Variants in ASCC1 observed in about 807,000 individuals in gnomAD.
The protein encoded by ASCC1 is ASC-1 complex subunit P50.
In ASCC1, 35 loss-of-function variants were observed where a neutral mutation model predicts 46.6. The observed-to-expected ratio is 0.75, with a 90% confidence interval of 0.57 to 0.99. The LOEUF is 0.99. ASCC1 is among the 50% of genes least tolerant of loss of function. The probability of loss-of-function intolerance (pLI) is 0.00; values close to 1 mark genes in which losing one functional copy is unlikely to be tolerated. For synonymous variants in ASCC1, 143 were observed against 146.6 expected (o/e 0.98, Z 0.18); for missense variants, 376 against 428.7 (o/e 0.88, Z 1.09).
intron 9 of ASCC1, among the ~76,000 whole-genome samples, chr10:72,119,899 T>C (rs1032053266): frequency 6.6e-6 from 1 of 152,070 alleles, no homozygotes; most frequent in African/African-American, 2.4e-5. Flanking sequence ...GGCAGAGAGA[T>C]GGAAATTCTA....
rs181049094 is a variant in ASCC1, at chr10:72,096,035, C to T, written c.*1299G>A. 1.4e-4 allele frequency: 60 copies of T among 435,206 alleles called. No homozygotes were observed. Among genetic ancestry groups the T allele is most frequent in the African/African-American group, 6.5e-4 (32 of 49,606 alleles). The allele number at this position is 435,206 out of a possible 1,614,324, so 27.0% of individuals were successfully genotyped here. A position where few individuals can be genotyped will look rare whatever the true frequency, so the allele number is the denominator to read the frequency against. ...TATGTGATCATACTAACAGAAACAC[C>T]GTTAAACATTTTATTCACAAGTGAT... On this transcript the variant is annotated 3_prime_UTR_variant, in exon 10 of 10. Transcript: ENST00000672957.
chr10:72,203,580 C>G, intron 3 of ASCC1, 56 bp from the exon 4 acceptor site: 2 of 1,241,316 alleles, frequency 1.6e-6, no homozygotes, highest in Admixed American at 1.7e-5. Context: ...AAATAAAGAA[C>G]CTCATTATGT....
chr10:72,104,702 G>A (rs1842151363), intron 9 of ASCC1, among the ~76,000 whole-genome samples: 1 of 152,092 alleles, frequency 6.6e-6, no homozygotes, highest in Admixed American at 6.5e-5. Flanking sequence ...CAGCCCTGTT[G>A]TTATGGAAGT....
In ASCC1 at chr10:72,096,973, G is replaced by A; in HGVS notation, c.*361C>T. ...ACAAGCTGAGAAGCCTATGGAGATG[G>A]ACGGCGGTGACGGCCACACAGCATT... On this transcript the variant is annotated 3_prime_UTR_variant, in exon 10 of 10. Coordinates refer to ENST00000672957, the MANE Select transcript of ASCC1 (RefSeq NM_001198800.3). 2.2e-6 allele frequency: 1 copy of A among 454,938 alleles called. No individual in the cohort carries two copies. Among genetic ancestry groups the A allele is most frequent in the South Asian group, 1.6e-5 (1 of 64,480 alleles). 28.2% of individuals were successfully genotyped at this position (454,938 alleles called of 1,614,324 possible).
At chr10:72,171,631 G>C (rs1253870527) in intron 5 of ASCC1, among the ~76,000 whole-genome samples, 2 of 152,114 alleles carry the variant, frequency 1.3e-5, no homozygotes, top group Non-Finnish European at 2.9e-5. Flanking sequence ...TGGCCAGGCT[G>C]ATCTCGAACT....
At chr10:72,216,901 C>T (rs1451629780), upstream of ASCC1, 27 of 456,016 alleles carry the variant, frequency 5.9e-5, no homozygotes, top group Non-Finnish European at 8.8e-6. Flanking sequence ...GTGGGCCTGG[C>T]AAACTGGTTG....
chr10:72,206,537 C>T (rs923650877), intron 3 of ASCC1, among the ~76,000 whole-genome samples: 7 of 152,188 alleles, frequency 4.6e-5, no homozygotes, highest in Non-Finnish European at 1.0e-4. Context: ...TCCATACAGT[C>T]CATGCTGTAG....
chr10:72,153,101 C>G, intron 6 of ASCC1, 113 bp from the exon 7 acceptor site: 1 of 1,365,428 alleles, frequency 7.3e-7, no homozygotes, highest in Non-Finnish European at 1.0e-6. Flanking sequence ...TACATGTGTA[C>G]AAAAACATGG....
chr10:72,213,574 C>A lies in ASCC1; in HGVS notation c.-33-243G>T, dbSNP rs7083714. Among the ~76,000 whole-genome samples the A allele has an allele frequency of 2.9e-3, 422 of 146,782 alleles. 4 individuals carry two copies. Among genetic ancestry groups the A allele is most frequent in the African/African-American group, 9.9e-3 (393 of 39,530 alleles). On this transcript the variant is annotated intron_variant, in intron 1 of 9. Transcript: ENST00000672957. ...TGTAAACTATTTATCACCCCCCCCC[C>A]AAAAATGATTAAAAGGCATACACTC...
At chr10:72,111,711 G>A (rs1334638255) in intron 9 of ASCC1, among the ~76,000 whole-genome samples, 1 of 151,856 alleles carries the variant, frequency 6.6e-6, no homozygotes, top group Non-Finnish European at 1.5e-5. Context: ...GTGCGATCTT[G>A]GCTCACTGCA....
At position 72,115,343 on chromosome 10, in the gene ASCC1, G is replaced by A. The variant is rs113324071; in HGVS notation, c.957+12739C>T. On this transcript the variant is annotated intron_variant, in intron 9 of 9. Transcript: ENST00000672957. Reference sequence around the variant, plus strand: ...CTCTGAACAATCAAAGTAGGGAGAGGGGGGTAGCTGAGAGATGGAGAGAGC... The same window carrying A: ...CTCTGAACAATCAAAGTAGGGAGAGAGGGGTAGCTGAGAGATGGAGAGAGC... Among the ~76,000 whole-genome samples the A allele has an allele frequency of 5.3e-5, 8 of 152,256 alleles. No homozygotes were observed. In the East Asian group the frequency reaches 9.6e-4, roughly 18 times the overall value.
At chr10:72,193,445 AACACACACACAC>A (rs57910616) in intron 5 of ASCC1, among the ~76,000 whole-genome samples, 4 of 146,408 alleles carry the variant, frequency 2.7e-5, no homozygotes, top group African/African-American at 5.0e-5. Flanking sequence ...TAATAAACAA[AACACACACACAC>A]ACACACACAC....
chr10:72,153,914 G>T (rs1437311741), intron 6 of ASCC1, among the ~76,000 whole-genome samples: 1 of 152,044 alleles, frequency 6.6e-6, no homozygotes, highest in Non-Finnish European at 1.5e-5. Flanking sequence ...TAGAGATGGG[G>T]TTTAGCTATA....
rs1325004275 is a variant in ASCC1 at position 72,186,359 on chromosome 10, G to GCTAT, written c.489+10448_489+10451dup. On this transcript the variant is annotated intron_variant, in intron 5 of 9. Coordinates refer to ENST00000672957, the MANE Select transcript of ASCC1 (RefSeq NM_001198800.3). ...GCCAGGAGATTTTGTACCAAGAGAT[G>GCTAT]CTATCTTTTTCTTATGCTATTAAGC... Among the ~76,000 whole-genome samples the GCTAT allele has an allele frequency of 2.0e-5, 3 of 151,980 alleles. No individual in the cohort carries two copies. The East Asian group carries it at 5.8e-4, about 29-fold the overall frequency.
chr10:72,172,721 T>A (rs1851283909), intron 5 of ASCC1, among the ~76,000 whole-genome samples: 1 of 138,824 alleles, frequency 7.2e-6, no homozygotes, highest in Admixed American at 7.9e-5. Flanking sequence ...ATATATAATA[T>A]TTTTATATTA....
intron 5 of ASCC1, among the ~76,000 whole-genome samples, chr10:72,167,773 C>T (rs536199325): frequency 1.2e-3 from 183 of 151,886 alleles, no homozygotes; most frequent in African/African-American, 4.3e-3. Flanking sequence ...GTGGCTGGGA[C>T]TACAAGCTCA....
intron 9 of ASCC1, among the ~76,000 whole-genome samples, chr10:72,115,343 G>GC (rs1394139061): frequency 6.6e-6 from 1 of 152,138 alleles, no homozygotes; most frequent in Admixed American, 6.5e-5. Context: ...GTAGGGAGAG[G>GC]GGGGTAGCTG....
At chr10:72,187,731 A>AAC (rs1220295695) in intron 5 of ASCC1, among the ~76,000 whole-genome samples, 49 of 150,668 alleles carry the variant, frequency 3.3e-4, no homozygotes, top group African/African-American at 1.2e-3. Flanking sequence ...AAAAAAAAAA[A>AAC]AAAAAAAAAA....
intron 2 of ASCC1, among the ~76,000 whole-genome samples, chr10:72,212,878 T>C (rs1858368958): frequency 6.6e-6 from 1 of 151,948 alleles, no homozygotes; most frequent in Admixed American, 6.6e-5. Context: ...ATAATAATAA[T>C]TACAACTCTA....
Sources: allele counts gnomAD v4.1 joint callset (sites outside exome capture counted in the v4.1 genomes callset), GRCh38; gene constraint gnomAD v4.1.1; transcripts MANE v1.5; gene names NCBI Gene and HGNC (gene_info 2026-07-23, HGNC 2026-07-21).